USP37: variants seen among roughly 807,000 people sequenced by gnomAD.
The protein encoded by USP37 is ubiquitin carboxyl-terminal hydrolase 37.
In USP37, 27 loss-of-function variants were observed where a neutral mutation model predicts 124.0. The observed-to-expected ratio is 0.22, with a 90% CI of 0.16 to 0.30. The LOEUF is 0.30. USP37 is among the 10% of genes least tolerant of loss of function. USP37 has a pLI of 1.00. For missense variants in USP37, 889 were observed against 1,140.4 expected, an observed-to-expected ratio of 0.78 and a Z score of 3.17; for synonymous variants, 365 against 388.0, an observed-to-expected ratio of 0.94 and a Z score of 0.70.
intron 4 of USP37, among the ~76,000 whole-genome samples, chr2:218,557,975 A>T (rs1305771572): frequency 6.7e-6 from 1 of 148,476 alleles, no homozygotes; most frequent in East Asian, 2.0e-4. Context: ...TAATTTTTGC[A>T]GTGAAAATGA....
At chr2:218,549,687 A>G (rs1692557980) in intron 6 of USP37, 122 bp downstream of exon 6, 2 of 758,164 alleles carry the variant, frequency 2.6e-6, no homozygotes, top group Non-Finnish European at 4.0e-6. Context: ...CTGGTCTCAG[A>G]CTCCTGACCT....
chr2:218,463,411 A>AT (rs1690134589), intron 21 of USP37, 45 bp from the exon 22 acceptor site: 1 of 1,555,342 alleles, frequency 6.4e-7, no homozygotes. Context: ...AGAGGTACTG[A>AT]TTAAACTTAC....
At chr2:218,535,729 C>G (rs1363333693) in intron 8 of USP37, among the ~76,000 whole-genome samples, 1 of 151,618 alleles carries the variant, frequency 6.6e-6, no homozygotes, top group Non-Finnish European at 1.5e-5. Flanking sequence ...GTGGCGGGCA[C>G]CTGTAGTCCC....
chr2:218,476,593 T>C (rs1276737257), intron 19 of USP37, among the ~76,000 whole-genome samples: 1 of 152,128 alleles, frequency 6.6e-6, no homozygotes, highest in Non-Finnish European at 1.5e-5. Flanking sequence ...GCTACCAAAA[T>C]AAAGCAAGTA....
intron 4 of USP37, among the ~76,000 whole-genome samples, chr2:218,557,384 CTT>C (rs1439344295): frequency 6.6e-6 from 1 of 152,010 alleles, no homozygotes; most frequent in East Asian, 1.9e-4. Flanking sequence ...GCAAAAAACC[CTT>C]TCTTTTGATG....
At chr2:218,469,624 TAGAA>T (rs1329013295) in intron 20 of USP37, among the ~76,000 whole-genome samples, 1 of 152,122 alleles carries the variant, frequency 6.6e-6, no homozygotes, top group Non-Finnish European at 1.5e-5. Flanking sequence ...ATCCATGTGT[TAGAA>T]AGGAGATCAA....
At chr2:218,460,110 A>AAAT (rs1689927515) in intron 22 of USP37, among the ~76,000 whole-genome samples, 3 of 150,384 alleles carry the variant, frequency 2.0e-5, no homozygotes, top group Non-Finnish European at 4.4e-5. Context: ...AAAAAAAAAA[A>AAAT]TTAGCCAGGA....
At chr2:218,484,576 C>G (rs1014673072) in intron 16 of USP37, among the ~76,000 whole-genome samples, 5 of 151,386 alleles carry the variant, frequency 3.3e-5, no homozygotes, top group African/African-American at 1.2e-4. Flanking sequence ...GAGCTGAGAT[C>G]GTGCCACTGC....
chr2:218,517,185 G>A (rs1385288552), intron 10 of USP37, among the ~76,000 whole-genome samples: 1 of 152,116 alleles, frequency 6.6e-6, no homozygotes, highest in Non-Finnish European at 1.5e-5. Flanking sequence ...AAGAAACTAG[G>A]AACAATTTAA....
intron 11 of USP37, among the ~76,000 whole-genome samples, chr2:218,508,858 CA>C (rs1490522269): frequency 6.6e-6 from 1 of 152,124 alleles, no homozygotes; most frequent in Non-Finnish European, 1.5e-5. Flanking sequence ...AGCCATTTGG[CA>C]AATACCACTC....
At chr2:218,482,047 G>C in intron 17 of USP37, 23 bp downstream of exon 17, 1 of 1,577,046 alleles carries the variant, frequency 6.3e-7, no homozygotes, top group Non-Finnish European at 8.6e-7. Flanking sequence ...GGAATATAAA[G>C]ACATAGTCTC....
intron 9 of USP37, among the ~76,000 whole-genome samples, chr2:218,533,836 A>G (rs1691470371): frequency 6.6e-6 from 1 of 152,196 alleles, no homozygotes; most frequent in Admixed American, 6.5e-5. Flanking sequence ...CGGACTCTCT[A>G]AGGATTTCAG....
At chr2:218,503,711 A>G (rs1689519854) in intron 11 of USP37, among the ~76,000 whole-genome samples, 1 of 152,124 alleles carries the variant, frequency 6.6e-6, no homozygotes, top group African/African-American at 2.4e-5. Context: ...GCAAAACTCC[A>G]TCTCAAAAAA....
chr2:218,469,814 C>CTTTTTTTTTTTT (rs71064451), intron 20 of USP37, among the ~76,000 whole-genome samples: 1 of 64,646 alleles, frequency 1.5e-5, no homozygotes, highest in Non-Finnish European at 2.8e-5. Context: ...ACTCAACATT[C>CTTTTTTTTTTTT]TTTTTTTTTT....
rs548263580 is a variant in USP37, at chr2:218,462,972, G to C, written c.2527+334C>G. Among the ~76,000 whole-genome samples, 238 of 152,118 alleles carry C rather than the reference G, an allele frequency of 1.6e-3. 6 individuals carry two copies. In the South Asian group the frequency reaches 0.048, roughly 31 times the overall value. On this transcript the variant is annotated intron_variant, in intron 22 of 25. Transcript: ENST00000258399. Reference sequence around the variant, plus strand: ...ACTTGAAGCCAGGAGTTCAAGACCAGCCTTGGCCAACATGGTGAAACCCCG... The same window carrying C: ...ACTTGAAGCCAGGAGTTCAAGACCACCCTTGGCCAACATGGTGAAACCCCG...
At chr2:218,472,159 C>T (rs922072777) in intron 20 of USP37, among the ~76,000 whole-genome samples, 1 of 152,110 alleles carries the variant, frequency 6.6e-6, no homozygotes, top group African/African-American at 2.4e-5. Flanking sequence ...TCTTACGTAG[C>T]AGCTTAGGGT....
At chr2:218,457,399 T>C (rs1689754703) in intron 23 of USP37, among the ~76,000 whole-genome samples, 1 of 152,190 alleles carries the variant, frequency 6.6e-6, no homozygotes, top group Admixed American at 6.5e-5. Context: ...TGTGGCATTA[T>C]CTGGTGAAAA....
chr2:218,529,583 G>A (rs1344217682), intron 10 of USP37, among the ~76,000 whole-genome samples: 1 of 152,018 alleles, frequency 6.6e-6, no homozygotes. Flanking sequence ...ATCGTTTCAA[G>A]TCAGGAAATT....
intron 17 of USP37, among the ~76,000 whole-genome samples, chr2:218,480,396 CTCA>C (rs1243455446): frequency 2.4e-5 from 1 of 42,404 alleles, no homozygotes; most frequent in African/African-American, 9.6e-5. Context: ...GAGACTCCGT[CTCA>C]AAAAAAAAAA....
Sources: allele counts gnomAD v4.1 joint callset (sites outside exome capture counted in the v4.1 genomes callset), GRCh38; gene constraint gnomAD v4.1.1; transcripts MANE v1.5; gene names NCBI Gene and HGNC (gene_info 2026-07-23, HGNC 2026-07-21).